WWOX: variants seen among roughly 807,000 people sequenced by gnomAD.
WWOX encodes the protein WW domain containing oxidoreductase, also known as WW domain-containing oxidoreductase.
A neutral mutation model predicts 46.2 loss-of-function variants in WWOX; 69 were observed. That is an observed-to-expected ratio of 1.49 (90% CI 1.23 to 1.82). The LOEUF is 1.82. Among genes scored for constraint, WWOX ranks in the 40% most tolerant of loss-of-function variants. The pLI, the probability that WWOX is intolerant of heterozygous loss-of-function variation, is 0.00. For missense variants in WWOX, 919 were observed against 542.6 expected, an observed-to-expected ratio of 1.69 and a Z score of -6.89; for synonymous variants, 359 against 202.6, an observed-to-expected ratio of 1.77 and a Z score of -6.56.
At chr16:78,509,607 C>T (rs1211201597) in intron 8 of WWOX, among the ~76,000 whole-genome samples, 1 of 152,154 alleles carries the variant, frequency 6.6e-6, no homozygotes, top group Admixed American at 6.5e-5. Flanking sequence ...CCCAGCCCTG[C>T]ATTCAGGGAT....
chr16:78,989,093 C>G (rs2046835217), intron 8 of WWOX, among the ~76,000 whole-genome samples: 1 of 152,020 alleles, frequency 6.6e-6, no homozygotes, highest in East Asian at 1.9e-4. Context: ...ACAATGATCC[C>G]TTTTTGGAGT....
intron 6 of WWOX, among the ~76,000 whole-genome samples, chr16:78,403,814 C>G (rs571465607): frequency 5.1e-4 from 77 of 152,308 alleles, no homozygotes; most frequent in African/African-American, 1.8e-3. Flanking sequence ...TCTAGCCCTT[C>G]ACTCAAGTTT....
intron 8 of WWOX, among the ~76,000 whole-genome samples, chr16:78,721,453 A>C (rs7187364): frequency 0.33 from 50,693 of 152,000 alleles, 8,724 homozygotes; most frequent in South Asian, 0.45. Flanking sequence ...CTGTCAGACA[A>C]AGTGTTCTCT....
chr16:78,949,814 G>A (rs1472228041), intron 8 of WWOX, among the ~76,000 whole-genome samples: 2 of 152,220 alleles, frequency 1.3e-5, no homozygotes, highest in Non-Finnish European at 2.9e-5. Flanking sequence ...TCTAGTGGGA[G>A]AAATCTCCGT....
At chr16:78,870,266 C>A (rs1429671222) in intron 8 of WWOX, among the ~76,000 whole-genome samples, 1 of 152,150 alleles carries the variant, frequency 6.6e-6, no homozygotes, top group East Asian at 1.9e-4. Flanking sequence ...ATGACAATGA[C>A]CCAGTTTCTT....
In WWOX at chr16:78,469,346, A is replaced by G. The variant is rs73574976; in HGVS notation, c.1056+36594A>G. Among the ~76,000 whole-genome samples the G allele has an allele frequency of 1.5e-3, 231 of 152,322 alleles. 1 individual carries two copies. The highest frequency in any genetic ancestry group is 5.3e-3 in the African/African-American group (220 of 41,566). ...CAGAACAAGGAAAATATAGCTGACT[A>G]TAAGTTACAAAGGCAGACTCTTAAG... On this transcript the variant is annotated intron_variant, in intron 8 of 8. Transcript: ENST00000566780.
intron 8 of WWOX, among the ~76,000 whole-genome samples, chr16:78,747,150 C>G (rs1392214758): frequency 6.7e-6 from 1 of 150,130 alleles, no homozygotes; most frequent in Admixed American, 6.6e-5. Flanking sequence ...CATGTTGTTT[C>G]TTTTGCCTGG....
At chr16:78,416,868 T>A (rs577565784) in intron 6 of WWOX, among the ~76,000 whole-genome samples, 194 of 152,324 alleles carry the variant, frequency 1.3e-3, no homozygotes, top group African/African-American at 4.5e-3. Flanking sequence ...ATATTTAGTT[T>A]ACAGGGGAGG....
chr16:78,830,870 C>T (rs1025438220), intron 8 of WWOX, among the ~76,000 whole-genome samples: 1 of 152,094 alleles, frequency 6.6e-6, no homozygotes, highest in South Asian at 2.1e-4. Context: ...CCTACAGCCC[C>T]ATCCTTACCC....
intron 8 of WWOX, among the ~76,000 whole-genome samples, chr16:79,042,728 G>GGTTTT (rs1555517210): frequency 7.0e-5 from 10 of 143,126 alleles, no homozygotes; most frequent in African/African-American, 2.6e-4. Flanking sequence ...AATACTCAGG[G>GGTTTT]TTTTTTTTTT....
chr16:78,441,246 C>T (rs2083437903), intron 8 of WWOX, among the ~76,000 whole-genome samples: 1 of 151,460 alleles, frequency 6.6e-6, no homozygotes, highest in African/African-American at 2.4e-5. Context: ...TAATGTCTGT[C>T]CCCCCTTCTC....
chr16:78,730,891 C>G (rs2142382624), intron 8 of WWOX, among the ~76,000 whole-genome samples: 1 of 152,184 alleles, frequency 6.6e-6, no homozygotes, highest in Middle Eastern at 3.4e-3. Context: ...ACAGGAGATG[C>G]AGAAACTGAG....
At chr16:79,041,405 G>A (rs116481155) in intron 8 of WWOX, among the ~76,000 whole-genome samples, 70 of 152,154 alleles carry the variant, frequency 4.6e-4, no homozygotes, top group African/African-American at 1.6e-3. Flanking sequence ...CACCCACCAC[G>A]CCCCTTGCGG....
intron 8 of WWOX, among the ~76,000 whole-genome samples, chr16:78,593,835 C>T (rs368144156): frequency 6.6e-6 from 1 of 151,938 alleles, no homozygotes; most frequent in Non-Finnish European, 1.5e-5. Flanking sequence ...TGAGGACATA[C>T]GAGGAGTCCC....
At chr16:79,096,146 G>A (rs2049067674) in intron 8 of WWOX, among the ~76,000 whole-genome samples, 1 of 150,664 alleles carries the variant, frequency 6.6e-6, no homozygotes, top group South Asian at 2.1e-4. Flanking sequence ...GGGATTACAG[G>A]CATGAGCCAC....
chr16:79,204,022 A>G (rs1277525340), intron 8 of WWOX: 4 of 152,182 alleles, frequency 2.6e-5, no homozygotes, highest in East Asian at 3.8e-4. Context: ...TTTCAGTGAC[A>G]TGCCATCAGA....
intron 8 of WWOX, among the ~76,000 whole-genome samples, chr16:79,119,407 G>T (rs1429155273): frequency 6.6e-6 from 1 of 152,196 alleles, no homozygotes; most frequent in Non-Finnish European, 1.5e-5. Flanking sequence ...TTTGGAGAAA[G>T]TTGCAATAAT....
chr16:78,691,174 C>G (rs533966250), intron 8 of WWOX: 2 of 695,578 alleles, frequency 2.9e-6, no homozygotes, highest in South Asian at 3.0e-5. Flanking sequence ...AGTGTTTGTG[C>G]GATAAGAGAA....
chr16:78,959,996 A>C (rs962776108), intron 8 of WWOX, among the ~76,000 whole-genome samples: 5 of 152,194 alleles, frequency 3.3e-5, no homozygotes, highest in Admixed American at 3.3e-4. Context: ...TGGTTAACTA[A>C]AGGAAATACC....
Sources: gnomAD v4.1 joint callset for allele counts (sites outside exome capture counted in the v4.1 genomes callset) on GRCh38, gnomAD v4.1.1 for gene constraint, MANE v1.5 for transcripts, NCBI Gene and HGNC (gene_info 2026-07-23, HGNC 2026-07-21) for gene names.